PRR14L: variants seen among roughly 807,000 people sequenced by gnomAD.
The protein encoded by PRR14L is proline rich 14 like.
PRR14L carries 80 observed loss-of-function variants against 155.0 expected under a neutral mutation model. The ratio of observed to expected loss-of-function variants is 0.52; its 90% CI spans 0.43 to 0.62. PRR14L has a LOEUF of 0.62. Among genes scored for constraint, PRR14L ranks in the 20% least tolerant of loss-of-function variants. PRR14L has a pLI of 0.00. For missense variants in PRR14L, 2,469 were observed against 2,548.0 expected, an observed-to-expected ratio of 0.97 and a Z score of 0.67; for synonymous variants, 883 against 916.0, an observed-to-expected ratio of 0.96 and a Z score of 0.65.
At chr22:31,696,981 G>C (rs958964360) in intron 7 of PRR14L, among the ~76,000 whole-genome samples, 9 of 152,136 alleles carry the variant, frequency 5.9e-5, no homozygotes, top group African/African-American at 1.9e-4. Flanking sequence ...TGGGTGTGGT[G>C]GCGTGTGCCT....
chr22:31,702,803 A>T (rs1441458082), intron 6 of PRR14L, among the ~76,000 whole-genome samples: 3 of 150,326 alleles, frequency 2.0e-5, no homozygotes, highest in Non-Finnish European at 4.4e-5. Flanking sequence ...GGCGTGAGCC[A>T]CCGTGCCCGG....
Position 31,715,180 on chromosome 22 carries a change from T to A in PRR14L, c.2659A>T (p.Asn887Tyr). The A allele has an allele frequency of 2.6e-6, 4 of 1,552,102 alleles. No individual in the cohort carries two copies. Among genetic ancestry groups the A allele is most frequent in the Non-Finnish European group, 3.5e-6 (4 of 1,147,056 alleles). The change falls in exon 4 of 9, where the codon AAC becomes TAC. Residue 887 changes from asparagine to tyrosine, a missense_variant. Physicochemically the swap from Asn to Tyr is moderately radical, Grantham distance 143. Around this residue, in one of 2 missense-constraint regions of PRR14L, gnomAD observed 2,363 missense variants for 2,371.6 expected, o/e 1.00. Transcript: ENST00000327423. ...CTACTGGAGGTGTGAATGGTTTTGT[T>A]TGAAATTCCACTATTTAACAAGCCT... ...VAGLLNSGIS[N>Y]KTIHTSSSIK...
chr22:31,715,966 C>G lies in PRR14L; in HGVS notation c.1873G>C (p.Glu625Gln), dbSNP rs879582102. Residue 625 changes from glutamate to glutamine, a missense_variant, in exon 4 of 9, where the codon GAA (glutamate) becomes CAA (glutamine). Glu to Gln is a conservative substitution (Grantham distance 29). This residue lies in a region of PRR14L where 2,363 missense variants were observed against 2,371.6 expected (regional missense o/e 1.00). Coordinates refer to ENST00000327423, the MANE Select transcript of PRR14L (RefSeq NM_173566.3). ...TTCATCTCACAGGCTATGCTCTGTT[C>G]ATCTAAAAGTGGAATATCATCATGT... ...TSHDDIPLLD[E>Q]QSIACEMNEL... 2.6e-6 allele frequency: 4 copies of G among 1,551,682 alleles called. No homozygotes were observed. Among genetic ancestry groups the G allele is most frequent in the Non-Finnish European group, 3.5e-6 (4 of 1,146,952 alleles).
chr22:31,714,285 T>A lies in PRR14L; in HGVS notation c.3554A>T (p.Asp1185Val), dbSNP rs1216584831. Residue 1185 changes from aspartate (D) to valine (V), a missense_variant, in exon 4 of 9, where the codon GAT (aspartate) becomes GTT (valine). This residue lies in a region of PRR14L where 2,363 missense variants were observed against 2,371.6 expected (regional missense o/e 1.00). Transcript: ENST00000327423. ...SLNDSHYGQQ[D>V]KGTSLRETQE... is the part of the protein sequence containing the mutation. Reference sequence around the variant, plus strand: ...TGTTTCTCTGAGAGATGTTCCTTTATCTTGCTGTCCATAATGGCTATCATT... The same window carrying A: ...TGTTTCTCTGAGAGATGTTCCTTTAACTTGCTGTCCATAATGGCTATCATT... 1 of 1,551,558 alleles carries A rather than the reference T, an allele frequency of 6.4e-7. No homozygotes were observed. Among genetic ancestry groups the A allele is most frequent in the African/African-American group, 1.4e-5 (1 of 73,034 alleles).
At chr22:31,743,819 A>C (rs1441950441) in intron 1 of PRR14L, among the ~76,000 whole-genome samples, 2 of 151,714 alleles carry the variant, frequency 1.3e-5, no homozygotes, top group Non-Finnish European at 1.5e-5. Context: ...AAAAAAAAGA[A>C]CCTGACCTTG....
intron 1 of PRR14L, among the ~76,000 whole-genome samples, chr22:31,739,747 G>GT (rs2074802424): frequency 6.6e-6 from 1 of 152,150 alleles, no homozygotes; most frequent in South Asian, 2.1e-4. Flanking sequence ...CACTGTGTTC[G>GT]TAATGTTTCA....
intron 7 of PRR14L, among the ~76,000 whole-genome samples, chr22:31,701,009 C>A (rs979750907): frequency 6.7e-6 from 1 of 149,154 alleles, no homozygotes; most frequent in Non-Finnish European, 1.5e-5. Context: ...TTTTTTGAGA[C>A]GGAGTTTTGC....
At chr22:31,702,042 C>T (rs1194125222) in intron 6 of PRR14L, among the ~76,000 whole-genome samples, 7 of 152,078 alleles carry the variant, frequency 4.6e-5, no homozygotes, top group Non-Finnish European at 8.8e-5. Context: ...TCAACTGATC[C>T]TTTTGCCTCA....
At chr22:31,709,212 G>C (rs146084219) in intron 4 of PRR14L, among the ~76,000 whole-genome samples, 429 of 152,170 alleles carry the variant, frequency 2.8e-3, no homozygotes, top group Non-Finnish European at 4.7e-3. Context: ...CAAAGTGCTG[G>C]GATTACAAGC....
intron 8 of PRR14L, 74 bp from the exon 9 acceptor site, chr22:31,685,877 T>C: frequency 4.3e-6 from 6 of 1,389,916 alleles, no homozygotes; most frequent in Non-Finnish European, 5.9e-6. Flanking sequence ...GTCAGGATGT[T>C]GACGCTGGGT....
At position 31,714,226 on chromosome 22, in the gene PRR14L, T is replaced by G. The variant is rs2074640868; in HGVS notation, c.3613A>C (p.Asn1205His). The G allele has an allele frequency of 6.4e-7, 1 of 1,551,654 alleles. No homozygotes were observed. The highest frequency in any genetic ancestry group is 1.2e-5 in the South Asian group (1 of 84,004). ...GTACTTTCTTTGCCAAACTCAGAGT[T>G]TGGTTCTAGTCTTGATCCTTCAGTC... ...EMTEGSRLEP[N>H]SEFGKESTFG... The change falls in exon 4 of 9, where the codon AAC becomes CAC. Residue 1205 changes from asparagine (N) to histidine (H), a missense_variant. Coordinates refer to ENST00000327423, the MANE Select transcript of PRR14L (RefSeq NM_173566.3).
intron 3 of PRR14L, among the ~76,000 whole-genome samples, chr22:31,717,702 T>G (rs1377940261): frequency 1.3e-5 from 2 of 152,206 alleles, no homozygotes; most frequent in African/African-American, 4.8e-5. Flanking sequence ...AAATTAGATG[T>G]CATCGATAAA....
At chr22:31,741,244 C>T (rs1290277737) in intron 1 of PRR14L, among the ~76,000 whole-genome samples, 1 of 120,628 alleles carries the variant, frequency 8.3e-6, no homozygotes, top group Non-Finnish European at 1.6e-5. Context: ...CAGAGCGAGG[C>T]TCTGTCTCAA....
chr22:31,712,205 G>A lies in PRR14L; in HGVS notation c.5634C>T (p.Pro1878=), dbSNP rs1483860550. The A allele has an allele frequency of 1.2e-6, 2 of 1,614,204 alleles. No individual in the cohort carries two copies. The highest frequency in any genetic ancestry group is 1.3e-5 in the African/African-American group (1 of 75,068). The stretch of plus-strand genomic sequence containing the variant: ...TGGATAGGACTCTGCCCACCGAGTA[G>A]GGCAGAGAACAGAAGACCTTGTCTG... ...SIADKVFCSL[P]YSVGRVLSIW... is the part of the protein sequence containing the mutation. Residue 1878 remains proline, a synonymous_variant, in exon 4 of 9, where the codon CCC becomes CCT. Coordinates refer to ENST00000327423, the MANE Select transcript of PRR14L (RefSeq NM_173566.3).
chr22:31,696,244 C>T (rs370393853), intron 7 of PRR14L, among the ~76,000 whole-genome samples: 6 of 151,670 alleles, frequency 4.0e-5, no homozygotes, highest in Admixed American at 2.0e-4. Context: ...TGGGTTCAAG[C>T]GATTCTCCGG....
At chr22:31,686,974 T>C (rs533759841) in intron 8 of PRR14L, among the ~76,000 whole-genome samples, 10 of 152,326 alleles carry the variant, frequency 6.6e-5, no homozygotes, top group African/African-American at 1.9e-4. Flanking sequence ...AATCAATGAT[T>C]ATCAGTCCTG....
intron 8 of PRR14L, among the ~76,000 whole-genome samples, chr22:31,686,355 G>A (rs1250299389): frequency 2.0e-5 from 3 of 149,410 alleles, no homozygotes; most frequent in African/African-American, 5.0e-5. Flanking sequence ...TGATTCGCCC[G>A]CCTCGGCTTC....
intron 7 of PRR14L, among the ~76,000 whole-genome samples, chr22:31,696,299 AC>A (rs2074534904): frequency 6.6e-6 from 1 of 151,730 alleles, no homozygotes; most frequent in African/African-American, 2.4e-5. Context: ...ACGCCACCAC[AC>A]CCAGCTAATT....
intron 3 of PRR14L, among the ~76,000 whole-genome samples, chr22:31,721,231 C>T (rs1214461229): frequency 2.0e-5 from 3 of 152,202 alleles, no homozygotes; most frequent in African/African-American, 7.2e-5. Context: ...CCCCCAGGTC[C>T]ACTTCTCATG....
Sources: gnomAD v4.1 joint callset for allele counts (sites outside exome capture counted in the v4.1 genomes callset) on GRCh38, gnomAD v4.1.1 for gene constraint, gnomAD v4.1.1 regional missense constraint, MANE v1.5 for transcripts, NCBI Gene and HGNC (gene_info 2026-07-23, HGNC 2026-07-21) for gene names.